The following KCNH8 variants were observed in gnomAD, a reference collection of about 807,000 sequenced individuals.
KCNH8 encodes the protein voltage-gated delayed rectifier potassium channel KCNH8.
In KCNH8, 70 loss-of-function variants were observed where a neutral mutation model predicts 103.6. The ratio of observed to expected loss-of-function variants is 0.68; its 90% CI spans 0.56 to 0.82. The LOEUF is 0.82. KCNH8 is among the 40% of genes least tolerant of loss of function. The pLI, the probability that KCNH8 is intolerant of heterozygous loss-of-function variation, is 0.00. For synonymous variants in KCNH8, 498 were observed against 489.4 expected, an observed-to-expected ratio of 1.02 and a Z score of -0.23; for missense variants, 1,217 against 1,329.9, an observed-to-expected ratio of 0.92 and a Z score of 1.32.
intron 1 of KCNH8, among the ~76,000 whole-genome samples, chr3:19,197,559 G>A (rs2125214873): frequency 6.6e-6 from 1 of 152,078 alleles, no homozygotes; most frequent in South Asian, 2.1e-4. Flanking sequence ...ATTTAGTGCA[G>A]TAGTTAAGAA....
At chr3:19,341,967 A>C (rs2065666053) in intron 3 of KCNH8, among the ~76,000 whole-genome samples, 1 of 152,140 alleles carries the variant, frequency 6.6e-6, no homozygotes, top group Middle Eastern at 3.2e-3. Context: ...TTTTCTTTGC[A>C]GGATTGGCCA....
Position 19,148,769 on chromosome 3 carries a change from C to G in KCNH8, c.50C>G (p.Thr17Ser), listed in dbSNP as rs1266148886. Residue 17 changes from threonine (T) to serine (S), a missense_variant, in exon 1 of 16, where the codon ACC becomes AGC. Transcript: ENST00000328405. ...LLAPQNTFLDTIATRFDGTHS... is the reference protein window; with the variant it reads ...LLAPQNTFLDSIATRFDGTHS... ...GCGCCGCAAAACACCTTCCTGGACA[C>G]CATCGCCACCCGTTTTGACGGAACA... The G allele has an allele frequency of 6.2e-7, 1 of 1,614,180 alleles. No individual in the cohort carries two copies. The highest frequency in any genetic ancestry group is 1.7e-5 in the Admixed American group (1 of 60,030).
rs189446107 is a variant in KCNH8 at position 19,377,399 on chromosome 3, A to G, written c.812-13082A>G. 3.4e-3 allele frequency among the ~76,000 whole-genome samples: 523 copies of G among 152,302 alleles called. 4 individuals are homozygous for G. The highest frequency in any genetic ancestry group is 5.4e-3 in the Non-Finnish European group (367 of 68,012). On this transcript the variant is annotated intron_variant, in intron 5 of 15. Coordinates refer to ENST00000328405, the MANE Select transcript of KCNH8 (RefSeq NM_144633.3). ...GGTCAATTTCAGGTAATCTGGATGT[A>G]TTCTGAGATGATTAAGAGTCCAAGG... is the stretch of plus-strand genomic sequence containing the variant.
At chr3:19,506,731 TTCTC>T (rs994966803) in intron 11 of KCNH8, among the ~76,000 whole-genome samples, 8 of 152,226 alleles carry the variant, frequency 5.3e-5, no homozygotes, top group East Asian at 1.9e-4. Flanking sequence ...CAGAGGGCCT[TTCTC>T]TCGTCTCTGG....
intron 3 of KCNH8, among the ~76,000 whole-genome samples, chr3:19,329,567 T>A (rs2065476675): frequency 6.6e-6 from 1 of 152,200 alleles, no homozygotes; most frequent in African/African-American, 2.4e-5. Flanking sequence ...ATGATAGATT[T>A]GCTCTCTAGA....
At chr3:19,426,983 GTCTCA>G (rs552722621) in intron 7 of KCNH8, among the ~76,000 whole-genome samples, 60 of 152,134 alleles carry the variant, frequency 3.9e-4, no homozygotes, top group African/African-American at 1.4e-3. Context: ...TTAATAAAAT[GTCTCA>G]TCTCATATAA....
intron 1 of KCNH8, among the ~76,000 whole-genome samples, chr3:19,248,588 T>G (rs1007215766): frequency 2.0e-5 from 3 of 152,176 alleles, no homozygotes; most frequent in Non-Finnish European, 2.9e-5. Flanking sequence ...AGCGAGCAAG[T>G]CAGTTCTTTA....
chr3:19,174,387 A>C (rs2063377858), intron 1 of KCNH8, among the ~76,000 whole-genome samples: 1 of 152,216 alleles, frequency 6.6e-6, no homozygotes, highest in African/African-American at 2.4e-5. Context: ...ATGTCTCCAA[A>C]GGATCATACG....
At chr3:19,374,958 T>C (rs1404836795) in intron 5 of KCNH8, among the ~76,000 whole-genome samples, 3 of 152,002 alleles carry the variant, frequency 2.0e-5, no homozygotes, top group Admixed American at 1.3e-4. Flanking sequence ...GCTTGTAGGG[T>C]TTCTGCCGAG....
intron 15 of KCNH8, among the ~76,000 whole-genome samples, chr3:19,530,480 G>A (rs1412162668): frequency 5.3e-5 from 8 of 152,090 alleles, no homozygotes; most frequent in Non-Finnish European, 1.5e-5. Context: ...TTCAATCATG[G>A]AAAAATATCT....
At chr3:19,494,080 G>A (rs942515020) in intron 11 of KCNH8, among the ~76,000 whole-genome samples, 3 of 152,152 alleles carry the variant, frequency 2.0e-5, no homozygotes, top group African/African-American at 7.2e-5. Flanking sequence ...TTATAAGTGA[G>A]AACATGCAGT....
intron 1 of KCNH8, among the ~76,000 whole-genome samples, chr3:19,169,551 TAG>T (rs1277011994): frequency 6.6e-6 from 1 of 152,182 alleles, no homozygotes; most frequent in Non-Finnish European, 1.5e-5. Flanking sequence ...CAGCCTAGCC[TAG>T]TCTCACTCTT....
intron 11 of KCNH8, among the ~76,000 whole-genome samples, chr3:19,496,351 A>G (rs1267130250): frequency 6.6e-6 from 1 of 151,936 alleles, no homozygotes; most frequent in Admixed American, 6.6e-5. Context: ...GGCTCTTATT[A>G]TTTTAAAGTA....
chr3:19,425,842 A>G (rs569974599), intron 7 of KCNH8, among the ~76,000 whole-genome samples: 11 of 152,346 alleles, frequency 7.2e-5, no homozygotes, highest in Non-Finnish European at 8.8e-5. Context: ...GTGGTGTCAT[A>G]TGACCTTGAA....
At chr3:19,414,267 CAAATGTT>C (rs1251999641) in intron 7 of KCNH8, among the ~76,000 whole-genome samples, 1 of 151,910 alleles carries the variant, frequency 6.6e-6, no homozygotes, top group East Asian at 1.9e-4. Context: ...AGGAGATACT[CAAATGTT>C]AAAGTGTCAA....
chr3:19,337,859 T>A (rs1036518852), intron 3 of KCNH8, among the ~76,000 whole-genome samples: 2 of 152,038 alleles, frequency 1.3e-5, no homozygotes, highest in Admixed American at 1.3e-4. Context: ...TCATGTCATT[T>A]GAAAGTTTAA....
chr3:19,486,978 G>A (rs573900832), intron 11 of KCNH8, among the ~76,000 whole-genome samples: 8 of 152,172 alleles, frequency 5.3e-5, no homozygotes, highest in Non-Finnish European at 1.2e-4. Flanking sequence ...TCCTCCAGGT[G>A]CTGAAGTAGG....
intron 11 of KCNH8, among the ~76,000 whole-genome samples, chr3:19,486,554 C>T (rs182949524): frequency 7.9e-5 from 12 of 152,274 alleles, no homozygotes; most frequent in Admixed American, 1.3e-4. Context: ...TGGCCAGGGC[C>T]CCACAGTCGG....
At chr3:19,238,992 C>G (rs1380207930) in intron 1 of KCNH8, among the ~76,000 whole-genome samples, 1 of 151,804 alleles carries the variant, frequency 6.6e-6, no homozygotes, top group Non-Finnish European at 1.5e-5. Flanking sequence ...ACAGGACTAA[C>G]TAAGTAATTT....
Sources: allele counts gnomAD v4.1 joint callset (sites outside exome capture counted in the v4.1 genomes callset), GRCh38; gene constraint gnomAD v4.1.1; transcripts MANE v1.5; gene names NCBI Gene and HGNC (gene_info 2026-07-23, HGNC 2026-07-21).